Variants in RERE observed in about 807,000 individuals in gnomAD.
RERE encodes arginine-glutamic acid dipeptide repeats protein.
Under a neutral mutation model 146.1 loss-of-function variants are expected in RERE, and 40 were observed. That is an observed-to-expected ratio of 0.27 (90% CI 0.21 to 0.36). The LOEUF (loss-of-function observed/expected upper bound fraction) is 0.36. Among genes scored for constraint, RERE ranks in the 10% least tolerant of loss-of-function variants. The pLI is 1.00. For synonymous variants in RERE, 1,003 were observed against 866.0 expected, an observed-to-expected ratio of 1.16 and a Z score of -2.78; for missense variants, 1,933 against 2,138.7, an observed-to-expected ratio of 0.90 and a Z score of 1.90.
At position 8,364,813 on chromosome 1, in the gene RERE, A is replaced by G. The variant is rs1641734632; in HGVS notation, c.1473T>C (p.Asp491=). The G allele has an allele frequency of 6.2e-7, 1 of 1,606,192 alleles. No homozygotes were observed. The highest frequency in any genetic ancestry group is 1.4e-5 in the African/African-American group (1 of 73,428). ...GCTCACTGTCCTCACTGTCGAAGTC[A>G]TCTTCACTGGCTGAACTTAGGTCCA... ...EFLDLSSASE[D]DFDSEDSEQE... Residue 491 remains aspartate, a synonymous_variant, in exon 14 of 23, where the codon GAT becomes GAC. Coordinates refer to ENST00000400908, the MANE Select transcript of RERE (RefSeq NM_001042681.2). The surrounding 1 kb of genome is among the most constrained non-coding windows in gnomAD (Gnocchi z 5.1).
At chr1:8,469,530 G>A (rs1644652303) in intron 10 of RERE, among the ~76,000 whole-genome samples, 1 of 152,206 alleles carries the variant, frequency 6.6e-6, no homozygotes, top group South Asian at 2.1e-4. Flanking sequence ...GAGGCAGGCA[G>A]GAGAATCGCT....
At chr1:8,368,981 C>T (rs575722586) in intron 12 of RERE, among the ~76,000 whole-genome samples, 1 of 152,220 alleles carries the variant, frequency 6.6e-6, no homozygotes, top group East Asian at 1.9e-4. Flanking sequence ...AGGAGGATTG[C>T]TTGAGGCCAG....
intron 1 of RERE, chr1:8,750,307 G>A (rs372094675): frequency 1.8e-6 from 1 of 568,088 alleles, no homozygotes; most frequent in Non-Finnish European, 3.1e-6. Flanking sequence ...AACGGAAGAT[G>A]AGGGCTAAGA....
At chr1:8,769,972 T>C (rs1308774555) in intron 1 of RERE, among the ~76,000 whole-genome samples, 1 of 152,082 alleles carries the variant, frequency 6.6e-6, no homozygotes, top group Admixed American at 6.6e-5. Flanking sequence ...GTGTTTTTAG[T>C]TGAGATGGGG....
intron 1 of RERE, among the ~76,000 whole-genome samples, chr1:8,816,542 C>T (rs1641916104): frequency 6.6e-6 from 1 of 152,182 alleles, no homozygotes; most frequent in Non-Finnish European, 1.5e-5. Context: ...TCCTAGCAGA[C>T]ACACATACAC....
At chr1:8,702,289 G>C (rs1639469268) in intron 1 of RERE, among the ~76,000 whole-genome samples, 1 of 152,186 alleles carries the variant, frequency 6.6e-6, no homozygotes, top group African/African-American at 2.4e-5. Context: ...AATGCCCACA[G>C]AGCGCGGGGC....
At chr1:8,744,629 T>C (rs929226635) in intron 1 of RERE, among the ~76,000 whole-genome samples, 9 of 152,220 alleles carry the variant, frequency 5.9e-5, no homozygotes, top group Admixed American at 5.9e-4. Context: ...GCTCATAATA[T>C]GGTCTAAAAG....
intron 12 of RERE, among the ~76,000 whole-genome samples, chr1:8,381,744 C>A (rs973190280): frequency 2.6e-5 from 4 of 152,190 alleles, no homozygotes; most frequent in African/African-American, 9.7e-5. Context: ...GAAATGAGAA[C>A]AAGAGTCTTA....
At position 8,761,640 on chromosome 1, in the gene RERE, G is replaced by A. The variant is rs529712204; in HGVS notation, c.-145+55520C>T. Among the ~76,000 whole-genome samples, 14 of 152,252 alleles carry A rather than the reference G, an allele frequency of 9.2e-5. No individual in the cohort carries two copies. The East Asian group carries it at 1.7e-3, about 19-fold the overall frequency. ...AGTTAGAAAGGTTAGATTCTCGGCC[G>A]GGCATGGTGGCTCATGCCTGTAATC... On this transcript the variant is annotated intron_variant, in intron 1 of 22. Coordinates refer to ENST00000400908, the MANE Select transcript of RERE (RefSeq NM_001042681.2).
rs189641084 is a variant in RERE, at chr1:8,637,476, T to C, written c.326-13096A>G. 3.7e-4 allele frequency among the ~76,000 whole-genome samples: 57 copies of C among 152,240 alleles called. 1 individual carries two copies. Among genetic ancestry groups the C allele is most frequent in the Admixed American group, 3.3e-3 (51 of 15,298 alleles). ...ATATAGGGACTACCGACAAACAAATTTTCTAGAACATTGTATTATTTATAA... is the reference window on the plus strand; with the variant it reads ...ATATAGGGACTACCGACAAACAAATCTTCTAGAACATTGTATTATTTATAA... On this transcript the variant is annotated intron_variant, in intron 2 of 22. Transcript: ENST00000400908.
intron 2 of RERE, among the ~76,000 whole-genome samples, chr1:8,638,782 A>AT (rs1557450012): frequency 7.0e-4 from 94 of 134,416 alleles, no homozygotes; most frequent in African/African-American, 2.6e-3. Context: ...GACGAAAAAA[A>AT]ATTTTTTTTT....
At chr1:8,414,049 C>G (rs1025114593) in intron 12 of RERE, among the ~76,000 whole-genome samples, 3 of 112,628 alleles carry the variant, frequency 2.7e-5, no homozygotes, top group African/African-American at 9.8e-5. Context: ...GAGTGAAACT[C>G]CATCTCAAAA....
chr1:8,719,864 A>G (rs1639828299), intron 1 of RERE, among the ~76,000 whole-genome samples: 1 of 152,194 alleles, frequency 6.6e-6, no homozygotes, highest in African/African-American at 2.4e-5. Context: ...CGTTTCTCAC[A>G]GACTTAAAAT....
intron 10 of RERE, among the ~76,000 whole-genome samples, chr1:8,484,064 A>AT (rs1644867964): frequency 6.6e-6 from 1 of 152,240 alleles, no homozygotes; most frequent in Non-Finnish European, 1.5e-5. Context: ...AGGAAATCCA[A>AT]TATCAGTTTA....
chr1:8,518,803 T>C (rs937184716), intron 7 of RERE, among the ~76,000 whole-genome samples: 1 of 152,264 alleles, frequency 6.6e-6, no homozygotes, highest in African/African-American at 2.4e-5. Context: ...TGTTGTATTC[T>C]ATCCCATCAT....
chr1:8,559,525 C>T (rs981107456), intron 4 of RERE, among the ~76,000 whole-genome samples: 11 of 151,804 alleles, frequency 7.2e-5, no homozygotes, highest in Non-Finnish European at 1.0e-4. Flanking sequence ...AAACTTTCTA[C>T]ACTGTTTATG....
At chr1:8,789,282 C>CAAAAAA (rs58993452) in intron 1 of RERE, among the ~76,000 whole-genome samples, 7 of 38,496 alleles carry the variant, frequency 1.8e-4, no homozygotes, top group African/African-American at 5.6e-4. Context: ...TCCTCTCTAC[C>CAAAAAA]AAAAAAAAAA....
intron 1 of RERE, among the ~76,000 whole-genome samples, chr1:8,788,052 G>C (rs2124569605): frequency 6.6e-6 from 1 of 151,910 alleles, no homozygotes; most frequent in African/African-American, 2.4e-5. Flanking sequence ...TAGCCATGAT[G>C]GTGCCACTGC....
At chr1:8,599,658 A>C (rs1342884134) in intron 4 of RERE, among the ~76,000 whole-genome samples, 1 of 152,220 alleles carries the variant, frequency 6.6e-6, no homozygotes, top group Non-Finnish European at 1.5e-5. Flanking sequence ...TGCCACCAAC[A>C]AATCACCAGC....
Sources: gnomAD v4.1 joint callset for allele counts (sites outside exome capture counted in the v4.1 genomes callset) on GRCh38, gnomAD v4.1.1 for gene constraint, Gnocchi (gnomAD v3.1) non-coding constraint, MANE v1.5 for transcripts, NCBI Gene and HGNC (gene_info 2026-07-23, HGNC 2026-07-21) for gene names.